The following QSER1 variants were observed in gnomAD, a reference collection of about 807,000 sequenced individuals.
QSER1 encodes glutamine and serine rich 1.
Under a neutral mutation model 158.5 loss-of-function variants are expected in QSER1, and 49 were observed. That is an observed-to-expected ratio of 0.31 (90% CI 0.25 to 0.39). The LOEUF (loss-of-function observed/expected upper bound fraction) is 0.39, where lower values mean the gene tolerates loss of function less well. Ranked by LOEUF, QSER1 falls within the 10% of genes least tolerant of loss-of-function variation. The probability of loss-of-function intolerance (pLI) is 1.00; values close to 1 mark genes in which losing one functional copy is unlikely to be tolerated. For synonymous variants in QSER1, 650 were observed against 715.5 expected (o/e 0.91, Z 1.46); for missense variants, 1,754 against 2,010.3 (o/e 0.87, Z 2.44).
intron 4 of QSER1, among the ~76,000 whole-genome samples, chr11:32,951,639 T>A (rs1852424094): frequency 6.6e-6 from 1 of 152,188 alleles, no homozygotes; most frequent in Non-Finnish European, 1.5e-5. Flanking sequence ...AATGTAAGTT[T>A]GCAGTTCTTT....
intron 4 of QSER1, among the ~76,000 whole-genome samples, chr11:32,941,699 C>T (rs1387319830): frequency 1.3e-5 from 2 of 152,120 alleles, no homozygotes; most frequent in Non-Finnish European, 2.9e-5. Flanking sequence ...CATACATGTG[C>T]ATGTGTCTTT....
At chr11:32,948,622 C>G (rs1421971485) in intron 4 of QSER1, among the ~76,000 whole-genome samples, 1 of 152,120 alleles carries the variant, frequency 6.6e-6, no homozygotes, top group Non-Finnish European at 1.5e-5. Flanking sequence ...GAGCTAGATG[C>G]TATCTCTTAA....
At chr11:32,946,234 G>A (rs1852329353) in intron 4 of QSER1, among the ~76,000 whole-genome samples, 1 of 152,190 alleles carries the variant, frequency 6.6e-6, no homozygotes, top group Admixed American at 6.5e-5. Context: ...TCTTCTCTCA[G>A]CTCGTCAAAG....
chr11:32,929,955 C>G (rs1193119028), intron 3 of QSER1, among the ~76,000 whole-genome samples: 2 of 152,216 alleles, frequency 1.3e-5, no homozygotes, highest in African/African-American at 2.4e-5. Flanking sequence ...CTAGCCTCTT[C>G]CTCATTCTAG....
intron 4 of QSER1, among the ~76,000 whole-genome samples, chr11:32,949,856 G>A (rs1442619558): frequency 1.3e-5 from 2 of 152,126 alleles, no homozygotes; most frequent in African/African-American, 4.8e-5. Flanking sequence ...GCAACAAGGA[G>A]GTCTTTATTT....
chr11:32,893,255 C>G lies in QSER1; in HGVS notation c.130C>G (p.Arg44Gly), dbSNP rs1564922151. 6.9e-6 allele frequency: 1 copy of G among 144,968 alleles called. No individual in the cohort carries two copies. Among genetic ancestry groups the G allele is most frequent in the Non-Finnish European group, 1.5e-5 (1 of 65,664 alleles). The allele number at this position is 144,968 out of a possible 1,614,324, so 9.0% of individuals were successfully genotyped here. Residue 44 changes from arginine (R) to glycine (G), a missense_variant, in exon 1 of 13, where the codon CGA becomes GGA. Physicochemically the swap from Arg to Gly is moderately radical, Grantham distance 125. Transcript: ENST00000650167. This position sits in a 1 kb window ranked among gnomAD's most constrained non-coding sequence, Gnocchi z 4.7. Reference protein sequence around the residue: ...PPAPAWAYEPRAAAAAASSSC... With the variant: ...PPAPAWAYEPGAAAAAASSSC... Reference sequence around the variant, plus strand: ...CGCCCCAGCCTGGGCGTACGAACCCCGAGCCGCCGCCGCCGCCGCCAGCAG... The same window carrying G: ...CGCCCCAGCCTGGGCGTACGAACCCGGAGCCGCCGCCGCCGCCGCCAGCAG...
At position 32,955,321 on chromosome 11, in the gene QSER1, C is replaced by G. The variant is rs775174746; in HGVS notation, c.4526C>G (p.Pro1509Arg). The G allele has an allele frequency of 6.3e-7, 1 of 1,593,518 alleles. No individual in the cohort carries two copies. Among genetic ancestry groups the G allele is most frequent in the East Asian group, 2.3e-5 (1 of 44,010 alleles). ...GAGGCTTTAAAAACAGGAAAAGAAC[C>G]TCCAGCTATTTGGAAAGTACAAAAA... ...FKEALKTGKE[P>R]PAIWKVQKAL... The change falls in exon 6 of 13, where the codon CCT (proline) becomes CGT (arginine). Residue 1509 changes from proline (P) to arginine (R), a missense_variant. Physicochemically the swap from Pro to Arg is moderately radical, Grantham distance 103. This residue lies in a region of QSER1 where 1,707 missense variants were observed against 1,919.6 expected (regional missense o/e 0.89). Transcript: ENST00000650167.
intron 1 of QSER1, among the ~76,000 whole-genome samples, chr11:32,916,967 A>G (rs1851839478): frequency 6.6e-6 from 1 of 152,158 alleles, no homozygotes; most frequent in African/African-American, 2.4e-5. Flanking sequence ...TTGTATTTTT[A>G]GTAGAGACGG....
chr11:32,971,918 C>G (rs1280641789), intron 10 of QSER1, among the ~76,000 whole-genome samples: 2 of 151,870 alleles, frequency 1.3e-5, no homozygotes, highest in Admixed American at 1.3e-4. Flanking sequence ...AAAAAATTAG[C>G]CGGGCGTGGT....
In QSER1 at chr11:32,965,987, G is replaced by A. The variant is rs77835739; in HGVS notation, c.4970-313G>A. Among the ~76,000 whole-genome samples, 32 of 25,954 alleles carry A rather than the reference G, an allele frequency of 1.2e-3. No homozygotes were observed. The East Asian group carries it at 0.027, about 22-fold the overall frequency. The allele number at this position is 25,954 out of a possible 152,430, so 17.0% of individuals were successfully genotyped here. A position where few individuals can be genotyped will look rare whatever the true frequency, so the allele number is the denominator to read the frequency against. On this transcript the variant is annotated intron_variant, in intron 8 of 12. Transcript: ENST00000650167. ...CACACACACACACACACACACACACGAATCACCTAGGAAGCTTTTTAAGAG... is the reference window on the plus strand; with the variant it reads ...CACACACACACACACACACACACACAAATCACCTAGGAAGCTTTTTAAGAG...
chr11:32,973,504 T>C lies in QSER1; in HGVS notation c.5313T>C (p.Asn1771=). The C allele has an allele frequency of 6.2e-7, 1 of 1,613,398 alleles. No homozygotes were observed. Among genetic ancestry groups the C allele is most frequent in the Non-Finnish European group, 8.5e-7 (1 of 1,179,706 alleles). ...TCAAAATGAATGGCAAAGCCTATAA[T>C]AAGAAAACTCTAAGGACTTCTAAAA... is the stretch of plus-strand genomic sequence containing the variant. The part of the protein sequence containing the change: ...SKIKMNGKAY[N]KKTLRTSKTT... Residue 1771 remains asparagine, a synonymous_variant, in exon 11 of 13, where the codon AAT becomes AAC. Coordinates refer to ENST00000650167, the MANE Select transcript of QSER1 (RefSeq NM_001076786.3).
rs1477627722 is a variant in QSER1 at position 32,978,558 on chromosome 11, A to G, written c.*2084A>G. Reference sequence around the variant, plus strand: ...TGAATTCACTAGCCACATTTTCTTCATGATATGCCTCGTGGCAAACAAAGA... The same window carrying G: ...TGAATTCACTAGCCACATTTTCTTCGTGATATGCCTCGTGGCAAACAAAGA... On this transcript the variant is annotated 3_prime_UTR_variant, in exon 13 of 13. Transcript: ENST00000650167. The G allele has an allele frequency of 2.0e-5, 3 of 152,238 alleles. No individual in the cohort carries two copies. Among genetic ancestry groups the G allele is most frequent in the African/African-American group, 4.8e-5 (2 of 41,460 alleles). The allele number at this position is 152,238 out of a possible 1,614,324, so 9.4% of individuals were successfully genotyped here. A position where few individuals can be genotyped will look rare whatever the true frequency, so the allele number is the denominator to read the frequency against.
chr11:32,975,723 C>T (rs1852964888), intron 12 of QSER1: 1 of 911,260 alleles, frequency 1.1e-6, no homozygotes, highest in Non-Finnish European at 1.4e-6. Context: ...TTAGAATGGC[C>T]TTATCCCACT....
chr11:32,964,765 C>T (rs991123117), intron 8 of QSER1, among the ~76,000 whole-genome samples: 170 of 138,970 alleles, frequency 1.2e-3, no homozygotes, highest in African/African-American at 4.2e-3. Context: ...CACACACACA[C>T]ACACACACAC....
Position 32,931,855 on chromosome 11 carries a change from A to C in QSER1, c.597A>C (p.Arg199Ser). Residue 199 changes from arginine (R) to serine (S), a missense_variant, in exon 4 of 13, where the codon AGA becomes AGC. By Grantham distance (110) the Arg-to-Ser change is moderately radical. Around this residue, in one of 2 missense-constraint regions of QSER1, gnomAD observed 1,707 missense variants for 1,919.6 expected, o/e 0.89. Coordinates refer to ENST00000650167, the MANE Select transcript of QSER1 (RefSeq NM_001076786.3). ...AGCATCCCACCACCTTCAGCAATAG[A>C]AACTTTGCTACCACTTCACCTTTGG... ...AYQHPTTFSN[R>S]NFATTSPLVL... 6.2e-7 allele frequency: 1 copy of C among 1,614,138 alleles called. No homozygotes were observed. Among genetic ancestry groups the C allele is most frequent in the Non-Finnish European group, 8.5e-7 (1 of 1,179,980 alleles).
In QSER1 at chr11:32,975,338, G is replaced by A; in HGVS notation, c.5449G>A (p.Asp1817Asn). ...GTACCATGTTTATCTGATATGTAAG[G>A]ATGAGGTAATTTCTTCTCATTTACT... ...YKYHVYLICKDEISSVQKKNE... is the reference protein window; with the variant it reads ...YKYHVYLICKNEISSVQKKNE... Residue 1817 changes from aspartate (D) to asparagine (N), a missense_variant, in exon 12 of 13, where the codon GAT (aspartate) becomes AAT (asparagine). Physicochemically the swap from Asp to Asn is conservative, Grantham distance 23. Coordinates refer to ENST00000650167, the MANE Select transcript of QSER1 (RefSeq NM_001076786.3). 1 of 1,597,850 alleles carries A rather than the reference G, an allele frequency of 6.3e-7. No homozygotes were observed. The highest frequency in any genetic ancestry group is 8.6e-7 in the Non-Finnish European group (1 of 1,166,292).
intron 6 of QSER1, among the ~76,000 whole-genome samples, 160 bp downstream of exon 6, chr11:32,955,572 TAA>T (rs1427419462): frequency 3.3e-5 from 5 of 152,130 alleles, no homozygotes; most frequent in Non-Finnish European, 7.4e-5. Flanking sequence ...AATATAAAAA[TAA>T]AGTCATTTGT....
At chr11:32,927,087 C>G (rs1366735202) in intron 1 of QSER1, 70 bp from the exon 2 acceptor site, 4 of 152,576 alleles carry the variant, frequency 2.6e-5, no homozygotes, top group Admixed American at 6.5e-5. Context: ...TATAGTTGTT[C>G]TTCTAGAAGT....
At chr11:32,929,377 C>T (rs1230853573) in intron 3 of QSER1, among the ~76,000 whole-genome samples, 2 of 152,114 alleles carry the variant, frequency 1.3e-5, no homozygotes, top group Non-Finnish European at 2.9e-5. Flanking sequence ...CTCCCAAAAG[C>T]GACCGGCCTA....
Sources: allele counts gnomAD v4.1 joint callset (sites outside exome capture counted in the v4.1 genomes callset), GRCh38; gene constraint gnomAD v4.1.1; regional missense constraint gnomAD v4.1.1; non-coding constraint Gnocchi (gnomAD v3.1); transcripts MANE v1.5; gene names NCBI Gene and HGNC (gene_info 2026-07-23, HGNC 2026-07-21).